AKR1B15: variants seen among roughly 807,000 people sequenced by gnomAD.
AKR1B15 encodes aldo-keto reductase family 1 member B15, also known as estradiol 17-beta-dehydrogenase AKR1B15.
AKR1B15 carries 49 observed loss-of-function variants against 38.5 expected under a neutral mutation model. The ratio of observed to expected loss-of-function variants is 1.27; its 90% CI spans 1.01 to 1.62. AKR1B15 has a LOEUF of 1.62. Among genes scored for constraint, AKR1B15 ranks in the 40% most tolerant of loss-of-function variants. The pLI is 0.00. For synonymous variants in AKR1B15, 137 were observed against 135.5 expected (o/e 1.01, Z -0.08); for missense variants, 411 against 381.6 (o/e 1.08, Z -0.64).
At chr7:134,564,935 T>C (rs1485693453) in intron 3 of AKR1B15, 166 bp downstream of exon 3, 2 of 466,296 alleles carry the variant, frequency 4.3e-6, no homozygotes, top group South Asian at 3.7e-5. Flanking sequence ...CAGTGCTCTG[T>C]GTCTAGCTAA....
chr7:134,550,192 A>G (rs192499111), intron 1 of AKR1B15, among the ~76,000 whole-genome samples: 1 of 152,220 alleles, frequency 6.6e-6, no homozygotes, highest in East Asian at 1.9e-4. Context: ...CACTGTGCAG[A>G]GAAACCTACA....
chr7:134,577,430 C>A (rs1375053154), intron 10 of AKR1B15, among the ~76,000 whole-genome samples: 5 of 152,200 alleles, frequency 3.3e-5, no homozygotes, highest in African/African-American at 9.7e-5. Flanking sequence ...TCTAGAAGCA[C>A]CTGTCATGGA....
At chr7:134,560,747 T>C (rs1794362392) in intron 2 of AKR1B15, among the ~76,000 whole-genome samples, 1 of 152,204 alleles carries the variant, frequency 6.6e-6, no homozygotes, top group Admixed American at 6.5e-5. Flanking sequence ...TTCTAATGGT[T>C]GTACACCTGA....
chr7:134,568,281 C>A lies in AKR1B15; in HGVS notation c.274C>A (p.Gln92Lys), dbSNP rs1280796655. Residue 92 changes from glutamine (Q) to lysine (K), a missense_variant, in exon 4 of 12, where the codon CAA becomes AAA. Gln to Lys is a moderately conservative substitution (Grantham distance 53). This residue lies in a region of AKR1B15 where 254 missense variants were observed against 212.4 expected (regional missense o/e 1.20). Transcript: ENST00000457545. Reference protein sequence around the residue: ...EVGEAIQEKIQEKAVMREDLF... With the variant: ...EVGEAIQEKIKEKAVMREDLF... ...GGGAGAAGCCATCCAAGAGAAGATC[C>A]AAGAGAAGGCTGTGATGCGGGAGGA... 18 of 1,613,964 alleles carry A rather than the reference C, an allele frequency of 1.1e-5. No individual in the cohort carries two copies. The highest frequency in any genetic ancestry group is 1.4e-5 in the Non-Finnish European group (17 of 1,179,996).
chr7:134,553,354 C>T (rs1794059966), intron 1 of AKR1B15, among the ~76,000 whole-genome samples: 1 of 152,196 alleles, frequency 6.6e-6, no homozygotes, highest in African/African-American at 2.4e-5. Flanking sequence ...CTTGCCCTCC[C>T]AAATATCTCA....
Position 134,558,924 on chromosome 7 carries a change from G to T in AKR1B15, c.-23+2065G>T, listed in dbSNP as rs185849004. ...CCAAGGGTAGAAGAAAAGGAAGCTC[G>T]AACCAGCCTGGGAAGGACCCTACCT... On this transcript the variant is annotated intron_variant, in intron 2 of 11. Coordinates refer to ENST00000457545, the MANE Select transcript of AKR1B15 (RefSeq NM_001080538.3). Among the ~76,000 whole-genome samples, 9 of 152,152 alleles carry T rather than the reference G, an allele frequency of 5.9e-5. No individual in the cohort carries two copies. In the East Asian group the frequency reaches 1.5e-3, roughly 26 times the overall value.
chr7:134,575,761 C>T (rs1794755529), intron 7 of AKR1B15, 60 bp from the exon 8 acceptor site: 1 of 1,601,752 alleles, frequency 6.2e-7, no homozygotes, highest in Non-Finnish European at 8.5e-7. Context: ...GTAGAACTCC[C>T]TAGGAACAAT....
chr7:134,565,834 A>C (rs189851888), intron 3 of AKR1B15, among the ~76,000 whole-genome samples: 1 of 152,244 alleles, frequency 6.6e-6, no homozygotes, highest in East Asian at 1.9e-4. Flanking sequence ...CTCTGGCTCT[A>C]GGACACTTAA....
chr7:134,575,992 A>G, intron 8 of AKR1B15, 65 bp downstream of exon 8: 1 of 1,569,976 alleles, frequency 6.4e-7, no homozygotes, highest in Non-Finnish European at 8.7e-7. Context: ...ATAATTGGTA[A>G]ATGTCGGTAT....
At chr7:134,571,535 G>A (rs1794666368) in intron 5 of AKR1B15, 69 bp from the exon 6 acceptor site, 1 of 1,255,844 alleles carries the variant, frequency 8.0e-7, no homozygotes, top group Non-Finnish European at 1.2e-6. Context: ...TCAGGATCCT[G>A]AAACCTTGTT....
chr7:134,555,713 T>C (rs1794169922), intron 1 of AKR1B15, among the ~76,000 whole-genome samples: 1 of 152,122 alleles, frequency 6.6e-6, no homozygotes, highest in Admixed American at 6.5e-5. Flanking sequence ...CAATGCAATC[T>C]GCCGATCATG....
At chr7:134,570,818 G>T (rs1335485409) in intron 5 of AKR1B15, among the ~76,000 whole-genome samples, 3 of 152,134 alleles carry the variant, frequency 2.0e-5, no homozygotes, top group Non-Finnish European at 2.9e-5. Context: ...CTGCTGAGGT[G>T]CTCACATGCC....
chr7:134,565,551 A>G, intron 3 of AKR1B15: 3 of 1,613,736 alleles, frequency 1.9e-6, no homozygotes, highest in Non-Finnish European at 2.5e-6. Flanking sequence ...TGGAGGGTAA[A>G]TATGCAAATC....
intron 3 of AKR1B15, chr7:134,565,339 A>G: frequency 7.5e-7 from 1 of 1,341,856 alleles, no homozygotes; most frequent in East Asian, 2.5e-5. Flanking sequence ...AACATCTTTA[A>G]CAGCTGTAAC....
At chr7:134,572,224 G>T (rs747298467) in intron 6 of AKR1B15, among the ~76,000 whole-genome samples, 2 of 152,122 alleles carry the variant, frequency 1.3e-5, no homozygotes, top group Non-Finnish European at 2.9e-5. Context: ...ACCTAGATTG[G>T]TTGGTGACTT....
intron 1 of AKR1B15, among the ~76,000 whole-genome samples, chr7:134,549,912 T>C (rs1028038905): frequency 6.6e-6 from 1 of 152,196 alleles, no homozygotes; most frequent in African/African-American, 2.4e-5. Context: ...GTCAAATTCC[T>C]CATTAGTCGG....
rs1463283579 is a variant in AKR1B15 at position 134,579,535 on chromosome 7, G to A, written c.1021G>A (p.Asp341Asn). The change falls in exon 12 of 12, where the codon GAT (aspartate) becomes AAT (asparagine). Residue 341 changes from aspartate (D) to asparagine (N), a missense_variant. Transcript: ENST00000457545. ...CTCTCATTTGGAGGACTTTCCCTTC[G>A]ATGCAGAATATTGAGGTTGAATCTC... ...EFSHLEDFPF[D>N]AEY The A allele has an allele frequency of 4.4e-6, 7 of 1,595,084 alleles. No individual in the cohort carries two copies. Among genetic ancestry groups the A allele is most frequent in the Admixed American group, 3.5e-5 (2 of 57,964 alleles).
intron 5 of AKR1B15, among the ~76,000 whole-genome samples, chr7:134,570,904 C>G (rs1264280714): frequency 6.6e-6 from 1 of 152,224 alleles, no homozygotes; most frequent in Non-Finnish European, 1.5e-5. Flanking sequence ...GCCATATCAC[C>G]TTTGTCTAGA....
intron 11 of AKR1B15, among the ~76,000 whole-genome samples, 168 bp downstream of exon 11, chr7:134,577,954 A>C (rs914778087): frequency 1.1e-4 from 17 of 152,236 alleles, no homozygotes; most frequent in Non-Finnish European, 7.3e-5. Flanking sequence ...TGTAAGGGAC[A>C]CATCTCTAAT....
Sources: allele counts gnomAD v4.1 joint callset (sites outside exome capture counted in the v4.1 genomes callset), GRCh38; gene constraint gnomAD v4.1.1; regional missense constraint gnomAD v4.1.1; transcripts MANE v1.5; gene names NCBI Gene and HGNC (gene_info 2026-07-23, HGNC 2026-07-21).